TFPI: variants seen among roughly 807,000 people sequenced by gnomAD.
TFPI encodes anti-convertin.
Under a neutral mutation model 34.6 loss-of-function variants are expected in TFPI, and 15 were observed. The ratio of observed to expected loss-of-function variants is 0.43; its 90% confidence interval spans 0.29 to 0.67. The LOEUF (loss-of-function observed/expected upper bound fraction) is 0.67, where lower values mean the gene tolerates loss of function less well. TFPI is among the 30% of genes least tolerant of loss of function. The pLI, the probability that TFPI is intolerant of heterozygous loss-of-function variation, is 0.15. For synonymous variants in TFPI, 105 were observed against 120.1 expected (o/e 0.87, Z 0.82); for missense variants, 301 against 364.0 (o/e 0.83, Z 1.41).
rs768270856 is a variant in TFPI at position 187,497,003 on chromosome 2, A to G, written c.197T>C (p.Ile66Thr). Residue 66 changes from isoleucine to threonine, a missense_variant, in exon 3 of 8, where the codon ATC (isoleucine) becomes ACC (threonine). Coordinates refer to ENST00000233156, the MANE Select transcript of TFPI (RefSeq NM_006287.6). ...AATATTGAAGAAAAATCTTTTCATGATTGCTTTACATGGGCCATCATCCGC... is the reference window on the plus strand; with the variant it reads ...AATATTGAAGAAAAATCTTTTCATGGTTGCTTTACATGGGCCATCATCCGC... The part of the protein sequence containing the change: ...FKADDGPCKA[I>T]MKRFFFNIFT... The G allele has an allele frequency of 1.2e-6, 2 of 1,613,338 alleles. No individual in the cohort carries two copies. Among genetic ancestry groups the G allele is most frequent in the Admixed American group, 1.7e-5 (1 of 59,946 alleles).
At chr2:187,485,042 G>T in intron 4 of TFPI, 55 bp from the exon 5 acceptor site, 1 of 1,276,078 alleles carries the variant, frequency 7.8e-7, no homozygotes, top group South Asian at 2.2e-5. Context: ...ATAAATTACT[G>T]ATTTTAATAA....
At chr2:187,476,136 A>G (rs1376865914) in intron 6 of TFPI, among the ~76,000 whole-genome samples, 3 of 152,118 alleles carry the variant, frequency 2.0e-5, no homozygotes, top group African/African-American at 4.8e-5. Context: ...AAACAACCAC[A>G]CCAAAGTTCC....
At chr2:187,475,171 G>A (rs1692294666) in intron 6 of TFPI, among the ~76,000 whole-genome samples, 1 of 152,056 alleles carries the variant, frequency 6.6e-6, no homozygotes, top group Non-Finnish European at 1.5e-5. Context: ...GTCCCGTGTA[G>A]GAGACACTCA....
intron 1 of TFPI, among the ~76,000 whole-genome samples, chr2:187,546,236 A>T (rs964530291): frequency 6.6e-6 from 1 of 151,942 alleles, no homozygotes; most frequent in Non-Finnish European, 1.5e-5. Flanking sequence ...AACTCTCTAA[A>T]AATGAATGGA....
At chr2:187,482,329 C>T (rs1343757904) in intron 6 of TFPI, among the ~76,000 whole-genome samples, 2 of 151,960 alleles carry the variant, frequency 1.3e-5, no homozygotes, top group South Asian at 2.1e-4. Context: ...TAAGATTTAA[C>T]GTGCTTTTGA....
intron 3 of TFPI, among the ~76,000 whole-genome samples, chr2:187,496,489 G>T (rs1423786960): frequency 6.6e-6 from 1 of 151,912 alleles, no homozygotes; most frequent in Non-Finnish European, 1.5e-5. Flanking sequence ...ATGAGTTGAG[G>T]TTTTTTTCTT....
intron 1 of TFPI, among the ~76,000 whole-genome samples, chr2:187,540,946 TAAA>T (rs1688555601): frequency 6.6e-6 from 1 of 151,082 alleles, no homozygotes; most frequent in Non-Finnish European, 1.5e-5. Context: ...AACCTTTAAT[TAAA>T]GAGGCAACTT....
At position 187,512,232 on chromosome 2, in the gene TFPI, A is replaced by G. The variant is rs116119503; in HGVS notation, c.-2-8462T>C. On this transcript the variant is annotated intron_variant, in intron 1 of 7. Transcript: ENST00000233156. Reference sequence around the variant, plus strand: ...AAGTAGAAAAATAACTTTTAGGGGAAACCTCATTGTGAGCACACCTTACCA... The same window carrying G: ...AAGTAGAAAAATAACTTTTAGGGGAGACCTCATTGTGAGCACACCTTACCA... 5.7e-3 allele frequency among the ~76,000 whole-genome samples: 870 copies of G among 151,718 alleles called. 8 individuals are homozygous for G. The highest frequency in any genetic ancestry group is 0.02 in the African/African-American group (822 of 41,298).
intron 1 of TFPI, among the ~76,000 whole-genome samples, chr2:187,509,331 G>A (rs1686455318): frequency 6.6e-6 from 1 of 152,130 alleles, no homozygotes; most frequent in African/African-American, 2.4e-5. Context: ...TTAGGGAGGT[G>A]TCCCTCTTTT....
chr2:187,466,836 CA>C lies in TFPI; in HGVS notation c.*99del, dbSNP rs1273965940. On this transcript the variant is annotated 3_prime_UTR_variant, in exon 8 of 8. Coordinates refer to ENST00000233156, the MANE Select transcript of TFPI (RefSeq NM_006287.6). ...CAATAAGCATAGAAAATTTAATGAA[CA>C]TATTAATTAAAAGCATTTTAGAAGA... 3.1e-6 allele frequency: 2 copies of C among 641,068 alleles called. No individual in the cohort carries two copies. The highest frequency in any genetic ancestry group is 3.8e-5 in the African/African-American group (2 of 52,062). The allele number at this position is 641,068 out of a possible 1,614,324, so 39.7% of individuals were successfully genotyped here. A position where few individuals can be genotyped will look rare whatever the true frequency, so the allele number is the denominator to read the frequency against.
intron 1 of TFPI, among the ~76,000 whole-genome samples, chr2:187,539,930 C>T (rs570978610): frequency 7.4e-4 from 110 of 147,726 alleles, no homozygotes; most frequent in African/African-American, 2.5e-3. Context: ...GACGGAGCCT[C>T]GCTCTGTCAC....
chr2:187,514,158 G>A (rs193271075), intron 1 of TFPI: 50 of 152,356 alleles, frequency 3.3e-4, no homozygotes, highest in African/African-American at 1.2e-3. Flanking sequence ...CATTTTACTA[G>A]AGGATCATAG....
At chr2:187,494,078 G>A (rs942883062) in intron 3 of TFPI, among the ~76,000 whole-genome samples, 4 of 152,074 alleles carry the variant, frequency 2.6e-5, no homozygotes, top group Admixed American at 2.0e-4. Flanking sequence ...ATAGCGGCAG[G>A]CAAAGAGAGA....
chr2:187,551,942 G>C (rs1351731692), intron 1 of TFPI, among the ~76,000 whole-genome samples: 1 of 151,998 alleles, frequency 6.6e-6, no homozygotes, highest in East Asian at 1.9e-4. Flanking sequence ...ATTGAGAATA[G>C]ATGAGTTGTA....
intron 1 of TFPI, among the ~76,000 whole-genome samples, chr2:187,505,563 T>C (rs930747417): frequency 6.6e-6 from 1 of 152,190 alleles, no homozygotes; most frequent in Non-Finnish European, 1.5e-5. Context: ...GACCCAATCT[T>C]CTCTGCATAG....
At chr2:187,498,476 T>C (rs1685634304) in intron 2 of TFPI, among the ~76,000 whole-genome samples, 1 of 151,828 alleles carries the variant, frequency 6.6e-6, no homozygotes, top group Non-Finnish European at 1.5e-5. Context: ...TAATTTTTTA[T>C]ATGAGTCATA....
rs538964785 is a variant in TFPI, at chr2:187,509,677, T to G, written c.-2-5907A>C. Among the ~76,000 whole-genome samples, 41 of 152,304 alleles carry G rather than the reference T, an allele frequency of 2.7e-4. 1 individual carries two copies. In the South Asian group the frequency reaches 7.5e-3, roughly 28 times the overall value. On this transcript the variant is annotated intron_variant, in intron 1 of 7. Transcript: ENST00000233156. ...TCATTTTTTATTGTGTCTATTTGCTTCTTCTCTTTTTTCTTCTTCATTAGT... is the reference window on the plus strand; with the variant it reads ...TCATTTTTTATTGTGTCTATTTGCTGCTTCTCTTTTTTCTTCTTCATTAGT...
At chr2:187,529,667 T>G (rs1687860145) in intron 1 of TFPI, among the ~76,000 whole-genome samples, 1 of 152,178 alleles carries the variant, frequency 6.6e-6, no homozygotes. Context: ...GAAACACAAC[T>G]CAGAGCAGGA....
chr2:187,495,534 A>G (rs1685418729), intron 3 of TFPI, among the ~76,000 whole-genome samples: 1 of 152,208 alleles, frequency 6.6e-6, no homozygotes, highest in Admixed American at 6.5e-5. Context: ...AAACAGAGAA[A>G]TCAGTGCTGT....
Sources: allele counts gnomAD v4.1 joint callset (sites outside exome capture counted in the v4.1 genomes callset), GRCh38; gene constraint gnomAD v4.1.1; transcripts MANE v1.5; gene names NCBI Gene and HGNC (gene_info 2026-07-23, HGNC 2026-07-21).